RGS20: variants seen among roughly 807,000 people sequenced by gnomAD.
RGS20 encodes the protein gz-selective GTPase-activating protein.
RGS20 carries 30 observed loss-of-function variants against 33.6 expected under a neutral mutation model. The observed-to-expected ratio is 0.89, with a 90% CI of 0.67 to 1.21. The LOEUF (loss-of-function observed/expected upper bound fraction) is 1.21, where lower values mean the gene tolerates loss of function less well. Ranked by LOEUF, RGS20 falls within the 50% of genes most tolerant of loss-of-function variation. The probability of loss-of-function intolerance (pLI) is 0.00; values close to 1 mark genes in which losing one functional copy is unlikely to be tolerated. For missense variants in RGS20, 472 were observed against 502.4 expected (o/e 0.94, Z 0.58); for synonymous variants, 208 against 197.9 (o/e 1.05, Z -0.43).
Position 53,869,530 on chromosome 8 carries a change from G to T in RGS20, c.166-9728G>T, listed in dbSNP as rs184106303. On this transcript the variant is annotated intron_variant, in intron 1 of 5. Transcript: ENST00000297313. ...GTCTCTACTAAAAACACAAAAATTA[G>T]CCGGGCATGCTGGCAGGTGCCTGTA... Among the ~76,000 whole-genome samples, 290 of 152,162 alleles carry T rather than the reference G, an allele frequency of 1.9e-3. 1 individual carries two copies. The highest frequency in any genetic ancestry group is 6.7e-3 in the African/African-American group (279 of 41,502).
rs1814943186 is a variant in RGS20, at chr8:53,958,535, G to A, written c.*77G>A. The stretch of plus-strand genomic sequence containing the variant: ...TACAACTAGCACAGGGAATTTAGAG[G>A]TTGTAGCATCTTCTGCTGGAGTAAT... On this transcript the variant is annotated 3_prime_UTR_variant, in exon 6 of 6. Transcript: ENST00000297313. 1.3e-6 allele frequency: 1 copy of A among 760,476 alleles called. No homozygotes were observed. The highest frequency in any genetic ancestry group is 1.8e-6 in the Non-Finnish European group (1 of 540,812). The allele number at this position is 760,476 out of a possible 1,614,324, so 47.1% of individuals were successfully genotyped here.
In RGS20 at chr8:53,877,375, G is replaced by C. The variant is rs1812231939; in HGVS notation, c.166-1883G>C. On this transcript the variant is annotated intron_variant, in intron 1 of 5. Coordinates refer to ENST00000297313, the MANE Select transcript of RGS20 (RefSeq NM_170587.4). The surrounding 1 kb of genome is among the most constrained non-coding windows in gnomAD (Gnocchi z 5.7). ...GCGCAGACGCGGCCGCCGGCCCGCAGTCCCCCGCAGGTGCCGCCCAGGACT... is the reference window on the plus strand; with the variant it reads ...GCGCAGACGCGGCCGCCGGCCCGCACTCCCCCGCAGGTGCCGCCCAGGACT... 6.6e-6 allele frequency among the ~76,000 whole-genome samples: 1 copy of C among 152,188 alleles called. No homozygotes were observed. Among genetic ancestry groups the C allele is most frequent in the African/African-American group, 2.4e-5 (1 of 41,462 alleles).
At chr8:53,953,015 G>A (rs140494082) in intron 4 of RGS20, among the ~76,000 whole-genome samples, 14 of 152,204 alleles carry the variant, frequency 9.2e-5, no homozygotes, top group Admixed American at 5.9e-4. Context: ...GGAAAATGGC[G>A]CATTCATAAG....
chr8:53,879,264 C>A lies in RGS20; in HGVS notation c.172C>A (p.Pro58Thr), dbSNP rs770162386. The A allele has an allele frequency of 4.3e-5, 70 of 1,613,608 alleles. No individual in the cohort carries two copies. The highest frequency in any genetic ancestry group is 5.6e-5 in the Non-Finnish European group (66 of 1,179,842). Residue 58 changes from proline to threonine, a missense_variant, in exon 2 of 6, where the codon CCG becomes ACG. Pro to Thr is a conservative substitution (Grantham distance 38). Transcript: ENST00000297313. ...TTCTCTCTCCCCACCCCAGTCCTTCCCGCCTGCACAGCTCCCAGACTCGCC... is the reference window on the plus strand; with the variant it reads ...TTCTCTCTCCCCACCCCAGTCCTTCACGCCTGCACAGCTCCCAGACTCGCC...
Position 53,877,732 on chromosome 8 carries a change from C to T in RGS20, c.166-1526C>T, listed in dbSNP as rs920989351. Among the ~76,000 whole-genome samples, 2 of 152,224 alleles carry T rather than the reference C, an allele frequency of 1.3e-5. No individual in the cohort carries two copies. The highest frequency in any genetic ancestry group is 4.8e-5 in the African/African-American group (2 of 41,456). The stretch of plus-strand genomic sequence containing the variant: ...GAAAAGGTAATGAGGGGAAGTGAAA[C>T]AGTGTGAACTTACTCGGAAATGCAA... On this transcript the variant is annotated intron_variant, in intron 1 of 5. Transcript: ENST00000297313. This position sits in a 1 kb window ranked among gnomAD's most constrained non-coding sequence, Gnocchi z 5.7.
chr8:53,923,224 A>T (rs1364789864), intron 2 of RGS20, among the ~76,000 whole-genome samples: 1 of 152,168 alleles, frequency 6.6e-6, no homozygotes, highest in East Asian at 1.9e-4. Flanking sequence ...GAGCCACCGA[A>T]CCTGGCCAAT....
At chr8:53,859,719 G>T (rs377078885) in intron 1 of RGS20, among the ~76,000 whole-genome samples, 34 of 152,216 alleles carry the variant, frequency 2.2e-4, no homozygotes, top group South Asian at 1.0e-3. Flanking sequence ...TGGACTCACA[G>T]TTCCACATGG....
At chr8:53,953,686 TCTGA>T (rs760848981) in intron 4 of RGS20, among the ~76,000 whole-genome samples, 110 of 152,332 alleles carry the variant, frequency 7.2e-4, no homozygotes, top group Admixed American at 1.9e-3. Context: ...TGTTGTCAAA[TCTGA>T]CTTAGTTCTG....
intron 2 of RGS20, among the ~76,000 whole-genome samples, chr8:53,930,740 G>A (rs1813930552): frequency 6.6e-6 from 1 of 151,998 alleles, no homozygotes; most frequent in Admixed American, 6.6e-5. Flanking sequence ...GCAGAGACAG[G>A]GTTTTACCAT....
At chr8:53,957,960 G>A (rs1163722183) in intron 5 of RGS20, among the ~76,000 whole-genome samples, 3 of 151,902 alleles carry the variant, frequency 2.0e-5, no homozygotes, top group Non-Finnish European at 4.4e-5. Flanking sequence ...CAACCAACAC[G>A]GAGAAACCCC....
In RGS20 at chr8:53,900,481, T is replaced by C. The variant is rs1196357584; in HGVS notation, c.510+20879T>C. ...AAAACACCTATAAGGTCTTTCTATA[T>C]TACTCATCGTATTTTTACATTAAAT... On this transcript the variant is annotated intron_variant, in intron 2 of 5. Coordinates refer to ENST00000297313, the MANE Select transcript of RGS20 (RefSeq NM_170587.4). 2.0e-5 allele frequency among the ~76,000 whole-genome samples: 3 copies of C among 152,158 alleles called. No homozygotes were observed. In the South Asian group the frequency reaches 6.2e-4, roughly 32 times the overall value.
chr8:53,950,441 G>A (rs10435634), intron 4 of RGS20, among the ~76,000 whole-genome samples: 90,148 of 151,904 alleles, frequency 0.59, 27,040 homozygotes, highest in East Asian at 0.85. Context: ...AACATCCCAA[G>A]TCCAAAACTT....
chr8:53,909,713 A>G (rs191847209), intron 2 of RGS20, among the ~76,000 whole-genome samples: 26 of 152,348 alleles, frequency 1.7e-4, no homozygotes, highest in Non-Finnish European at 5.9e-5. Context: ...CTTCTGGTAG[A>G]GAAGTAACAT....
intron 5 of RGS20, among the ~76,000 whole-genome samples, chr8:53,958,049 T>C (rs953519885): frequency 6.6e-6 from 1 of 151,880 alleles, no homozygotes; most frequent in Non-Finnish European, 1.5e-5. Context: ...GGTAGGAGAA[T>C]TGCTTGAACC....
intron 2 of RGS20, among the ~76,000 whole-genome samples, chr8:53,890,354 A>G (rs556373292): frequency 2.0e-4 from 31 of 152,218 alleles, no homozygotes; most frequent in African/African-American, 6.7e-4. Flanking sequence ...CCATCTTTTC[A>G]TCAGTTTAGT....
intron 2 of RGS20, among the ~76,000 whole-genome samples, chr8:53,881,765 G>C (rs1228833335): frequency 6.6e-6 from 1 of 152,112 alleles, no homozygotes; most frequent in Non-Finnish European, 1.5e-5. Flanking sequence ...CCTGCGCCAG[G>C]GCAGTTAACG....
In RGS20 at chr8:53,920,764, A is replaced by AT. The variant is rs527736289; in HGVS notation, c.511-18802dup. Among the ~76,000 whole-genome samples the AT allele has an allele frequency of 3.8e-3, 570 of 150,090 alleles. 1 individual carries two copies. Among genetic ancestry groups the AT allele is most frequent in the African/African-American group, 5.0e-3 (205 of 40,978 alleles). On this transcript the variant is annotated intron_variant, in intron 2 of 5. Coordinates refer to ENST00000297313, the MANE Select transcript of RGS20 (RefSeq NM_170587.4). ...GAAATGCATTAGATTTTGTCAAATA[A>AT]TTTTTTTTTTGAGACGGGCAGTCTC...
chr8:53,939,167 T>C (rs1025102430), intron 2 of RGS20, among the ~76,000 whole-genome samples: 1 of 152,170 alleles, frequency 6.6e-6, no homozygotes, highest in Non-Finnish European at 1.5e-5. Flanking sequence ...TATCTGAGCG[T>C]TGGCCTCACA....
chr8:53,863,513 T>C (rs1433608321), intron 1 of RGS20, among the ~76,000 whole-genome samples: 3 of 152,150 alleles, frequency 2.0e-5, no homozygotes, highest in Non-Finnish European at 4.4e-5. Flanking sequence ...CCAGTGCGAC[T>C]TGAGGCTCAG....
Sources: gnomAD v4.1 joint callset for allele counts (sites outside exome capture counted in the v4.1 genomes callset) on GRCh38, gnomAD v4.1.1 for gene constraint, Gnocchi (gnomAD v3.1) non-coding constraint, MANE v1.5 for transcripts, NCBI Gene and HGNC (gene_info 2026-07-23, HGNC 2026-07-21) for gene names.